The following SLC25A39 variants were observed in gnomAD, a reference collection of about 807,000 sequenced individuals.
SLC25A39 encodes the protein solute carrier family 25 member 39, also known as mitochondrial glutathione transporter SLC25A39.
SLC25A39 carries 44 observed loss-of-function variants against 46.6 expected under a neutral mutation model. The ratio of observed to expected loss-of-function variants is 0.94; its 90% confidence interval spans 0.74 to 1.21. The LOEUF is 1.21. Ranked by LOEUF, SLC25A39 falls within the 50% of genes most tolerant of loss-of-function variation. The pLI is 0.00. For synonymous variants in SLC25A39, 218 were observed against 190.6 expected, an observed-to-expected ratio of 1.14 and a Z score of -1.19; for missense variants, 487 against 473.0, an observed-to-expected ratio of 1.03 and a Z score of -0.28.
chr17:44,322,001 G>C (rs748484567), intron 5 of SLC25A39, among the ~76,000 whole-genome samples: 1 of 152,222 alleles, frequency 6.6e-6, no homozygotes, highest in Admixed American at 6.5e-5. Flanking sequence ...ATCCCAGCCA[G>C]CACTTTGGGA....
chr17:44,323,472 T>C lies in SLC25A39; in HGVS notation c.85+6A>G, dbSNP rs773329261. Reference sequence around the variant, plus strand: ...CCGCCCCCACCCCACCTCCCCTAGGTCTTACTGAAGAGAGAGGTAACCACA... The same window carrying C: ...CCGCCCCCACCCCACCTCCCCTAGGCCTTACTGAAGAGAGAGGTAACCACA... On this transcript the variant is annotated splice_donor_region_variant and intron_variant, in intron 2 of 11. Transcript: ENST00000377095. The C allele has an allele frequency of 6.3e-5, 68 of 1,079,248 alleles. No homozygotes were observed. In the South Asian group the frequency reaches 8.8e-4, roughly 14 times the overall value. The allele number at this position is 1,079,248 out of a possible 1,614,324, so 66.9% of individuals were successfully genotyped here. A position where few individuals can be genotyped will look rare whatever the true frequency, so the allele number is the denominator to read the frequency against.
chr17:44,322,762 CT>C (rs767845153), intron 4 of SLC25A39, 45 bp downstream of exon 4: 12 of 1,613,216 alleles, frequency 7.4e-6, no homozygotes, highest in Non-Finnish European at 1.0e-5. Flanking sequence ...CAAGGACTGT[CT>C]CCCCCTTGCA....
rs76073410 is a variant in SLC25A39, at chr17:44,322,789, T to A, written c.190+19A>T. ...CCCCCTTGCACCCTCCCATGCTCCC[T>A]GTGGCTTGGGGCACTCACATTTGGT... On this transcript the variant is annotated intron_variant, in intron 4 of 11. Coordinates refer to ENST00000377095, the MANE Select transcript of SLC25A39 (RefSeq NM_001143780.3). The A allele has an allele frequency of 1.1e-5, 17 of 1,613,880 alleles. No individual in the cohort carries two copies. The highest frequency in any genetic ancestry group is 1.4e-5 in the Non-Finnish European group (17 of 1,179,952).
intron 5 of SLC25A39, 125 bp from the exon 6 acceptor site, chr17:44,321,892 G>T: frequency 1.1e-6 from 1 of 934,058 alleles, no homozygotes; most frequent in Non-Finnish European, 1.6e-6. Context: ...AGGCCTCCCT[G>T]CCTCTACACA....
Position 44,321,076 on chromosome 17 carries a change from G to T in SLC25A39, c.673C>A (p.Arg225=). The T allele has an allele frequency of 6.2e-7, 1 of 1,604,958 alleles. No homozygotes were observed. Among genetic ancestry groups the T allele is most frequent in the South Asian group, 1.1e-5 (1 of 90,006 alleles). ...TGCCTACCTGAGAAGGGCACATCTC[G>T]AAGGGCAGTGGGGCCCCAGCCCAGC... ...LWLGWGPTAL[R]DVPFSALYWF... Residue 225 remains arginine, a synonymous_variant, in exon 8 of 12, where the codon CGA becomes AGA. Coordinates refer to ENST00000377095, the MANE Select transcript of SLC25A39 (RefSeq NM_001143780.3).
Position 44,319,697 on chromosome 17 carries a change from T to A in SLC25A39, c.*304A>T, listed in dbSNP as rs1203899951. 5.0e-6 allele frequency: 2 copies of A among 401,638 alleles called. No homozygotes were observed. Among genetic ancestry groups the A allele is most frequent in the African/African-American group, 4.1e-5 (2 of 48,884 alleles). 24.9% of individuals were successfully genotyped at this position (401,638 alleles called of 1,614,324 possible). On this transcript the variant is annotated 3_prime_UTR_variant, in exon 12 of 12. Coordinates refer to ENST00000377095, the MANE Select transcript of SLC25A39 (RefSeq NM_001143780.3). ...AGACTACACCAGGCTGAGGGCTTCTTGGTTCCTGGAGACATGCCCAGCTAC... is the reference window on the plus strand; with the variant it reads ...AGACTACACCAGGCTGAGGGCTTCTAGGTTCCTGGAGACATGCCCAGCTAC...
chr17:44,322,836 G>A lies in SLC25A39; in HGVS notation c.162C>T (p.Ser54=), dbSNP rs367929986. The change falls in exon 4 of 12, where the codon TCC becomes TCT. Residue 54 remains serine (S), a synonymous_variant. Coordinates refer to ENST00000377095, the MANE Select transcript of SLC25A39 (RefSeq NM_001143780.3). The stretch of plus-strand genomic sequence containing the variant: ...TGGTATAGGAGAGGCTCCACAGTCT[G>A]GAGGAAGGCATCAGCTCTAAAATAC... ...PSMASELMPS[S]RLWSLSYTKL... 2.0e-4 allele frequency: 321 copies of A among 1,614,066 alleles called. 7 individuals are homozygous for A. The South Asian group carries it at 2.6e-3, about 13-fold the overall frequency.
At position 44,322,506 on chromosome 17, in the gene SLC25A39, A is replaced by G; in HGVS notation, c.237T>C (p.Asn79=). Residue 79 remains asparagine (N), a synonymous_variant, in exon 5 of 12, where the codon AAT becomes AAC. Transcript: ENST00000377095. ...ACAGGTACAGAGGCTCCAGGACACC[A>G]TTGCAATACAGGAGGCACTTCCCTG... The part of the protein sequence containing the change: ...QSTGKCLLYC[N]GVLEPLYLCP... The G allele has an allele frequency of 6.2e-7, 1 of 1,614,150 alleles. No individual in the cohort carries two copies. Among genetic ancestry groups the G allele is most frequent in the Non-Finnish European group, 8.5e-7 (1 of 1,180,012 alleles).
chr17:44,323,440 T>TAC, intron 2 of SLC25A39, 38 bp downstream of exon 2: 1 of 341,554 alleles, frequency 2.9e-6, no homozygotes, highest in Non-Finnish European at 4.4e-6. Context: ...GTCTGCCCCA[T>TAC]CCCCACCCGC....
chr17:44,321,307 C>T, intron 7 of SLC25A39, 76 bp from the exon 8 acceptor site: 1 of 1,579,218 alleles, frequency 6.3e-7, no homozygotes, highest in African/African-American at 1.3e-5. Flanking sequence ...CCTGCTGTCC[C>T]AGGTCTGGGG....
At chr17:44,324,085 C>T (rs2048150162) in intron 1 of SLC25A39, 1 of 166,758 alleles carries the variant, frequency 6.0e-6, no homozygotes. Flanking sequence ...GTGGCCTGCC[C>T]AAGGTCACTC....
At chr17:44,320,571 C>A (rs552106177) in intron 9 of SLC25A39, 51 bp downstream of exon 9, 7 of 1,581,778 alleles carry the variant, frequency 4.4e-6, no homozygotes, top group Non-Finnish European at 8.7e-7. Context: ...AATCCTCAGG[C>A]CCCCCGCAGG....
Position 44,322,458 on chromosome 17 carries a change from G to A in SLC25A39, c.285C>T (p.Ala95=). 2.5e-6 allele frequency: 4 copies of A among 1,614,158 alleles called. No individual in the cohort carries two copies. Among genetic ancestry groups the A allele is most frequent in the Non-Finnish European group, 3.4e-6 (4 of 1,180,036 alleles). ...LYLCPNGARC[A]TWFQDPTRFT... ...AGCGGGTAGGGTCTTGAAACCAGGT[G>A]GCACAGCGGGCACCATTTGGGCACA... Residue 95 remains alanine, a synonymous_variant, in exon 5 of 12, where the codon GCC becomes GCT. Transcript: ENST00000377095.
rs200100873 is a variant in SLC25A39, at chr17:44,322,515, C to T, written c.228G>A (p.Leu76=). The T allele has an allele frequency of 6.2e-7, 1 of 1,614,124 alleles. No homozygotes were observed. Among genetic ancestry groups the T allele is most frequent in the East Asian group, 2.2e-5 (1 of 44,878 alleles). Residue 76 remains leucine, a synonymous_variant, in exon 5 of 12, where the codon CTG becomes CTA. Coordinates refer to ENST00000377095, the MANE Select transcript of SLC25A39 (RefSeq NM_001143780.3). ...SSLQSTGKCL[L]YCNGVLEPLY... ...GAGGCTCCAGGACACCATTGCAATACAGGAGGCACTTCCCTGTGGATTGGA... is the reference window on the plus strand; with the variant it reads ...GAGGCTCCAGGACACCATTGCAATATAGGAGGCACTTCCCTGTGGATTGGA...
chr17:44,323,434 G>GGCCCCCCCCCCCCCC, intron 2 of SLC25A39, 44 bp downstream of exon 2: 4 of 1,367,902 alleles, frequency 2.9e-6, no homozygotes, highest in Non-Finnish European at 4.0e-6. Flanking sequence ...TCTCCGGTCT[G>GGCCCCCCCCCCCCCC]CCCCATCCCC....
chr17:44,319,707 A>C lies in SLC25A39; in HGVS notation c.*294T>G. On this transcript the variant is annotated 3_prime_UTR_variant, in exon 12 of 12. Transcript: ENST00000377095. ...AGGCTGAGGGCTTCTTGGTTCCTGGAGACATGCCCAGCTACAGCAAACACA... is the reference window on the plus strand; with the variant it reads ...AGGCTGAGGGCTTCTTGGTTCCTGGCGACATGCCCAGCTACAGCAAACACA... The C allele has an allele frequency of 2.4e-6, 1 of 422,294 alleles. No individual in the cohort carries two copies. Among genetic ancestry groups the C allele is most frequent in the South Asian group, 2.2e-5 (1 of 44,586 alleles). The allele number at this position is 422,294 out of a possible 1,614,324, so 26.2% of individuals were successfully genotyped here. A position where few individuals can be genotyped will look rare whatever the true frequency, so the allele number is the denominator to read the frequency against.
At chr17:44,322,912 C>T (rs2048099015) in intron 3 of SLC25A39, 60 bp from the exon 4 acceptor site, 3 of 1,557,040 alleles carry the variant, frequency 1.9e-6, no homozygotes, top group African/African-American at 1.4e-5. Flanking sequence ...GGGACCCCAT[C>T]TCTGGGAGAT....
chr17:44,320,220 A>G lies in SLC25A39; in HGVS notation c.940T>C (p.Ser314Pro). The G allele has an allele frequency of 6.2e-7, 1 of 1,613,684 alleles. No homozygotes were observed. Among genetic ancestry groups the G allele is most frequent in the Non-Finnish European group, 8.5e-7 (1 of 1,179,974 alleles). Residue 314 changes from serine to proline, a missense_variant, in exon 11 of 12, where the codon TCG becomes CCG. Ser to Pro is a moderately conservative substitution (Grantham distance 74, BLOSUM62 -1). Coordinates refer to ENST00000377095, the MANE Select transcript of SLC25A39 (RefSeq NM_001143780.3). ...CCTGCAAAGAGTCCCTTGGTGCCCGACTCGGCCCGGATCCTCCGCAGCAGC... is the reference window on the plus strand; with the variant it reads ...CCTGCAAAGAGTCCCTTGGTGCCCGGCTCGGCCCGGATCCTCCGCAGCAGC... ...WLLLRRIRAE[S>P]GTKGLFAGFL... is the part of the protein sequence containing the mutation.
intron 6 of SLC25A39, 40 bp downstream of exon 6, chr17:44,321,660 G>C (rs201634942): frequency 1.2e-6 from 2 of 1,607,952 alleles, no homozygotes; most frequent in East Asian, 2.2e-5. Context: ...AAAGGGTCAG[G>C]AAGTACCAGA....
Sources: gnomAD v4.1 joint callset for allele counts (sites outside exome capture counted in the v4.1 genomes callset) on GRCh38, gnomAD v4.1.1 for gene constraint, MANE v1.5 for transcripts, NCBI Gene and HGNC (gene_info 2026-07-23, HGNC 2026-07-21) for gene names.